Variants in RASGRP3 observed in about 807,000 individuals in gnomAD.
RASGRP3 encodes the protein RAS guanyl releasing protein 3.
RASGRP3 carries 54 observed loss-of-function variants against 82.7 expected under a neutral mutation model. The observed-to-expected ratio is 0.65, with a 90% CI of 0.52 to 0.82. The LOEUF (loss-of-function observed/expected upper bound fraction) is 0.82. RASGRP3 is among the 40% of genes least tolerant of loss of function. RASGRP3 has a pLI of 0.00. For missense variants in RASGRP3, 861 were observed against 828.9 expected (o/e 1.04, Z -0.48); for synonymous variants, 309 against 300.5 (o/e 1.03, Z -0.29).
At chr2:33,523,374 A>C (rs577511189) in intron 7 of RASGRP3, among the ~76,000 whole-genome samples, 3 of 151,902 alleles carry the variant, frequency 2.0e-5, no homozygotes, top group South Asian at 2.1e-4. Context: ...CTGAGGCAGG[A>C]GAATTGCTTG....
At chr2:33,454,812 G>A (rs1217137304) in intron 2 of RASGRP3, among the ~76,000 whole-genome samples, 1 of 152,170 alleles carries the variant, frequency 6.6e-6, no homozygotes, top group East Asian at 1.9e-4. Flanking sequence ...ACTGCTAATA[G>A]GTTGTAAGTT....
intron 17 of RASGRP3, among the ~76,000 whole-genome samples, chr2:33,562,469 C>G (rs1676782692): frequency 6.6e-6 from 1 of 151,548 alleles, no homozygotes; most frequent in Admixed American, 6.6e-5. Flanking sequence ...CGGGGTCTTG[C>G]TATATTTACC....
chr2:33,461,137 C>G (rs994771299), intron 2 of RASGRP3, among the ~76,000 whole-genome samples: 3 of 152,218 alleles, frequency 2.0e-5, no homozygotes, highest in Non-Finnish European at 4.4e-5. Flanking sequence ...TCCCTTGCCT[C>G]TCAATTTGAG....
chr2:33,556,622 C>G (rs962465745), intron 15 of RASGRP3, among the ~76,000 whole-genome samples: 2 of 151,984 alleles, frequency 1.3e-5, no homozygotes, highest in Non-Finnish European at 2.9e-5. Context: ...CACAGAATAC[C>G]TTCAGATGAA....
rs80143356 is a variant in RASGRP3 at position 33,455,482 on chromosome 2, A to T, written c.-261+7539A>T. Among the ~76,000 whole-genome samples, 1,447 of 152,318 alleles carry T rather than the reference A, an allele frequency of 9.5e-3. 19 individuals are homozygous for T. The highest frequency in any genetic ancestry group is 0.034 in the African/African-American group (1,413 of 41,578). ...TAACTGGGCTGGGAATGATATCTGG[A>T]GAGATGCTGCTTACAGGCAATGAAC... On this transcript the variant is annotated intron_variant, in intron 2 of 18. Coordinates refer to the RASGRP3 transcript ENST00000402538.
At position 33,524,491 on chromosome 2, in the gene RASGRP3, T is replaced by C. The variant is rs749911716; in HGVS notation, c.750T>C (p.His250=). 2.5e-6 allele frequency: 4 copies of C among 1,606,188 alleles called. No homozygotes were observed. The highest frequency in any genetic ancestry group is 1.7e-6 in the Non-Finnish European group (2 of 1,176,172). The stretch of plus-strand genomic sequence containing the variant: ...TGGCAGTGGTGGGAGGCCTCAGTCA[T>C]AGTTCCATTTCACGCCTCAAAGAGA... ...TLMAVVGGLS[H]SSISRLKETH... Residue 250 remains histidine, a synonymous_variant, in exon 9 of 18, where the codon CAT becomes CAC. Coordinates refer to ENST00000403687, the MANE Select transcript of RASGRP3 (RefSeq NM_001139488.2).
At chr2:33,502,244 C>T (rs1669937052) in intron 1 of RASGRP3, among the ~76,000 whole-genome samples, 1 of 151,966 alleles carries the variant, frequency 6.6e-6, no homozygotes, top group Non-Finnish European at 1.5e-5. Context: ...TAGACAGTTA[C>T]ACCAAGGAAC....
At chr2:33,532,557 C>G (rs1673200046) in intron 10 of RASGRP3, 1 of 152,152 alleles carries the variant, frequency 6.6e-6, no homozygotes, top group Non-Finnish European at 1.5e-5. Context: ...CTCCCAAAGG[C>G]ATTTGTTTGT....
Position 33,527,374 on chromosome 2 carries a change from C to A in RASGRP3, c.1045C>A (p.His349Asn). The change falls in exon 10 of 18, where the codon CAC becomes AAC. Residue 349 changes from histidine to asparagine, a missense_variant. By Grantham distance (68) the His-to-Asn change is moderately conservative (BLOSUM62 1). Transcript: ENST00000403687. Reference protein sequence around the residue: ...ELVSLQNASHHLEPNMDLINL... With the variant: ...ELVSLQNASHNLEPNMDLINL... Reference sequence around the variant, plus strand: ...AGTCTCCCTGCAGAATGCCTCTCACCACTTAGAACCCAACATGGATTTGAT... The same window carrying A: ...AGTCTCCCTGCAGAATGCCTCTCACAACTTAGAACCCAACATGGATTTGAT... 1.9e-6 allele frequency: 3 copies of A among 1,613,886 alleles called. No individual in the cohort carries two copies. The highest frequency in any genetic ancestry group is 2.5e-6 in the Non-Finnish European group (3 of 1,179,814).
rs1672337215 is a variant in RASGRP3 at position 33,524,537 on chromosome 2, G to A, written c.796G>A (p.Glu266Lys). The A allele has an allele frequency of 6.3e-7, 1 of 1,588,354 alleles. No individual in the cohort carries two copies. Among genetic ancestry groups the A allele is most frequent in the Non-Finnish European group, 8.6e-7 (1 of 1,164,692 alleles). Residue 266 changes from glutamate to lysine, a missense_variant, in exon 9 of 18, where the codon GAA (glutamate) becomes AAA (lysine). Transcript: ENST00000403687. ...LKETHSHLSS[E>K]VTKNWNEMTE... ...AGAGACCCATTCTCATCTTTCTTCA[G>A]AAGTTACAAAGGTATAGTAGACTTG... is the stretch of plus-strand genomic sequence containing the variant.
At chr2:33,514,913 T>A in intron 2 of RASGRP3, 97 bp from the exon 3 acceptor site, 1 of 554,552 alleles carries the variant, frequency 1.8e-6, no homozygotes, top group Non-Finnish European at 3.2e-6. Flanking sequence ...AAAGATACAG[T>A]CTATGGAAGT....
At chr2:33,492,934 A>G (rs1264751155) in intron 1 of RASGRP3, 4 of 152,244 alleles carry the variant, frequency 2.6e-5, no homozygotes, top group Admixed American at 2.0e-4. Context: ...TAGGTCAGCC[A>G]GTAGTACCAC....
intron 11 of RASGRP3, among the ~76,000 whole-genome samples, chr2:33,536,890 C>T (rs1270461759): frequency 6.6e-6 from 1 of 152,144 alleles, no homozygotes; most frequent in African/African-American, 2.4e-5. Context: ...GGCTCTGGCC[C>T]CAAGACAGCA....
chr2:33,461,597 C>T (rs12612879), intron 2 of RASGRP3, among the ~76,000 whole-genome samples: 124,746 of 152,278 alleles, frequency 0.82, 51,296 homozygotes, highest in African/African-American at 0.87. Flanking sequence ...TTTTAAAATG[C>T]GTTTCTGAAA....
intron 1 of RASGRP3, among the ~76,000 whole-genome samples, chr2:33,490,549 C>A (rs139794407): frequency 2.6e-5 from 4 of 152,238 alleles, no homozygotes; most frequent in Admixed American, 2.6e-4. Flanking sequence ...CATGGCACAG[C>A]GTGCTTTTAA....
chr2:33,451,477 A>G (rs1665797441), intron 2 of RASGRP3, among the ~76,000 whole-genome samples: 1 of 152,198 alleles, frequency 6.6e-6, no homozygotes, highest in African/African-American at 2.4e-5. Flanking sequence ...CTAAGAAATC[A>G]TTGCCGAGAC....
chr2:33,463,673 A>G (rs899180634), intron 2 of RASGRP3, among the ~76,000 whole-genome samples: 47 of 141,806 alleles, frequency 3.3e-4, no homozygotes, highest in African/African-American at 1.3e-3. Context: ...ATCTTGGCTC[A>G]CTGCAACCTC....
intron 1 of RASGRP3, among the ~76,000 whole-genome samples, chr2:33,505,417 C>G (rs1336239561): frequency 6.6e-6 from 1 of 151,990 alleles, no homozygotes; most frequent in Non-Finnish European, 1.5e-5. Flanking sequence ...ATTCTCCTGC[C>G]TCAGCCTCCT....
intron 10 of RASGRP3, among the ~76,000 whole-genome samples, chr2:33,530,251 C>T (rs1672981874): frequency 1.3e-5 from 2 of 152,118 alleles, no homozygotes; most frequent in African/African-American, 2.4e-5. Context: ...AAACATGGCT[C>T]CAGCTGAGGT....
Sources: allele counts gnomAD v4.1 joint callset (sites outside exome capture counted in the v4.1 genomes callset), GRCh38; gene constraint gnomAD v4.1.1; transcripts MANE v1.5; gene names NCBI Gene and HGNC (gene_info 2026-07-23, HGNC 2026-07-21).